The following CDH23 variants were observed in gnomAD, a reference collection of about 807,000 sequenced individuals.
CDH23 encodes the protein cadherin related 23.
A neutral mutation model predicts 317.1 loss-of-function variants in CDH23; 189 were observed. The observed-to-expected ratio is 0.60, with a 90% CI of 0.53 to 0.67. The LOEUF is 0.67. Ranked by LOEUF, CDH23 falls within the 30% of genes least tolerant of loss-of-function variation. The pLI is 0.00. For synonymous variants in CDH23, 1,839 were observed against 1,876.8 expected, an observed-to-expected ratio of 0.98 and a Z score of 0.52; for missense variants, 4,401 against 4,592.4, an observed-to-expected ratio of 0.96 and a Z score of 1.20.
chr10:71,783,020 C>T (rs1328899429), intron 41 of CDH23, among the ~76,000 whole-genome samples: 1 of 152,210 alleles, frequency 6.6e-6, no homozygotes, highest in Non-Finnish European at 1.5e-5. Context: ...GGCCCCTGTC[C>T]TTGCCATGCC....
At chr10:71,636,757 G>A (rs917942917) in intron 11 of CDH23, among the ~76,000 whole-genome samples, 3 of 152,202 alleles carry the variant, frequency 2.0e-5, no homozygotes, top group South Asian at 4.1e-4. Context: ...TGAGGGTGAC[G>A]TCCTTCACCT....
chr10:71,661,156 G>A (rs1863630986), intron 14 of CDH23, among the ~76,000 whole-genome samples: 1 of 152,168 alleles, frequency 6.6e-6, no homozygotes, highest in African/African-American at 2.4e-5. Context: ...CCCCCTCATG[G>A]AGACTGAACT....
At chr10:71,627,779 C>T (rs1473962528) in intron 11 of CDH23, among the ~76,000 whole-genome samples, 1 of 152,234 alleles carries the variant, frequency 6.6e-6, no homozygotes, top group African/African-American at 2.4e-5. Flanking sequence ...CACTCCTGAG[C>T]AGGGCTGGCA....
In CDH23 at chr10:71,727,073, A is replaced by G. The variant is rs905337448; in HGVS notation, c.3579+1553A>G. ...TCCCCTGAACCCTGAGGAATAATAA[A>G]CCCTCACACGTGCCCGATATTTTTC... is the stretch of plus-strand genomic sequence containing the variant. On this transcript the variant is annotated intron_variant, in intron 30 of 69. Transcript: ENST00000224721. Among the ~76,000 whole-genome samples, 3 of 151,928 alleles carry G rather than the reference A, an allele frequency of 2.0e-5. No homozygotes were observed. In the South Asian group the frequency reaches 6.2e-4, roughly 32 times the overall value.
chr10:71,456,726 A>C (rs962283795), intron 3 of CDH23, among the ~76,000 whole-genome samples: 4 of 152,128 alleles, frequency 2.6e-5, no homozygotes, highest in African/African-American at 9.7e-5. Flanking sequence ...TTACATACTT[A>C]ATCTCTCTAG....
intron 1 of CDH23, among the ~76,000 whole-genome samples, chr10:71,417,027 C>CTTTTTTTTT (rs59400313): frequency 6.8e-6 from 1 of 146,092 alleles, no homozygotes; most frequent in Non-Finnish European, 1.5e-5. Context: ...CTTTGGTTTT[C>CTTTTTTTTT]TTTTTTTTTC....
chr10:71,677,550 G>A lies in CDH23; in HGVS notation c.1609G>A (p.Asp537Asn). 1 of 1,611,936 alleles carries A rather than the reference G, an allele frequency of 6.2e-7. No homozygotes were observed. Among genetic ancestry groups the A allele is most frequent in the Non-Finnish European group, 8.5e-7 (1 of 1,179,290 alleles). The change falls in exon 16 of 70, where the codon GAC (aspartate) becomes AAC (asparagine). Residue 537 changes from aspartate to asparagine, a missense_variant. Asp to Asn is a conservative substitution (Grantham distance 23, BLOSUM62 1). This residue lies in a region of CDH23 where 3,068 missense variants were observed against 3,203.3 expected (regional missense o/e 0.96). Transcript: ENST00000224721. ...CTTCACCCTGACGATCATTGCCCGGGACGGGGGCGGCGAGGAGACCACAGG... is the reference window on the plus strand; with the variant it reads ...CTTCACCCTGACGATCATTGCCCGGAACGGGGGCGGCGAGGAGACCACAGG... ...QRFTLTIIARDGGGEETTGRV... is the reference protein window; with the variant it reads ...QRFTLTIIARNGGGEETTGRV...
intron 48 of CDH23, 110 bp downstream of exon 48, chr10:71,793,750 C>T: frequency 1.3e-6 from 1 of 799,714 alleles, no homozygotes; most frequent in Non-Finnish European, 1.9e-6. Context: ...TCCCTTGCTA[C>T]TCTCTTCTCT....
At chr10:71,465,698 C>T (rs1359156857) in intron 3 of CDH23, among the ~76,000 whole-genome samples, 1 of 152,198 alleles carries the variant, frequency 6.6e-6, no homozygotes, top group African/African-American at 2.4e-5. Flanking sequence ...ACTATGAATT[C>T]TTTGCTTCCC....
rs566947576 is a variant in CDH23, at chr10:71,702,431, C to A, written c.2588-118C>A. ...AGGCCTAGGCTGCTTCCTGGAGGGG[C>A]CTTTGGGATGGAGGGCTCTGAATCT... On this transcript the variant is annotated intron_variant, in intron 23 of 69. Coordinates refer to ENST00000224721, the MANE Select transcript of CDH23 (RefSeq NM_022124.6). 426 of 1,341,286 alleles carry A rather than the reference C, an allele frequency of 3.2e-4. 4 individuals are homozygous for A. Among genetic ancestry groups the A allele is most frequent in the Middle Eastern group, 1.8e-3 (9 of 4,938 alleles). 83.1% of individuals were successfully genotyped at this position (1,341,286 alleles called of 1,614,324 possible). A position where few individuals can be genotyped will look rare whatever the true frequency, so the allele number is the denominator to read the frequency against.
At chr10:71,638,961 G>A (rs1862402557) in intron 11 of CDH23, among the ~76,000 whole-genome samples, 1 of 152,180 alleles carries the variant, frequency 6.6e-6, no homozygotes, top group South Asian at 2.1e-4. Context: ...CCCTCGTGGG[G>A]GTGGGAAAGC....
In CDH23 at chr10:71,759,818, TATAC is replaced by T. The variant is rs1840251526; in HGVS notation, c.4846-17860_4846-17857del. Reference sequence around the variant, plus strand: ...CAGAGTGAAACCGTGTTTCAGAAAATATACACACACACACACACACACACACACA... The same window carrying T: ...CAGAGTGAAACCGTGTTTCAGAAAATACACACACACACACACACACACACA... On this transcript the variant is annotated intron_variant, in intron 38 of 69. Transcript: ENST00000224721. Among the ~76,000 whole-genome samples, 3 of 50,822 alleles carry T rather than the reference TATAC, an allele frequency of 5.9e-5. No individual in the cohort carries two copies. The South Asian group carries it at 1.6e-3, about 27-fold the overall frequency. The allele number at this position is 50,822 out of a possible 152,430, so 33.3% of individuals were successfully genotyped here.
intron 32 of CDH23, 28 bp downstream of exon 32, chr10:71,732,403 T>A: frequency 6.4e-7 from 1 of 1,552,264 alleles, no homozygotes; most frequent in Non-Finnish European, 8.7e-7. Context: ...GGGAGCACCA[T>A]TTCTTCCAAT....
At position 71,779,460 on chromosome 10, in the gene CDH23, T is replaced by G; in HGVS notation, c.5368+13T>G. 3.1e-6 allele frequency: 5 copies of G among 1,588,612 alleles called. No homozygotes were observed. The highest frequency in any genetic ancestry group is 4.3e-6 in the Non-Finnish European group (5 of 1,161,704). ...GGAGACCCTCTGGGTGAGTGGGGCT[T>G]GGGGCATGCCACCCACAGGGTCTCA... On this transcript the variant is annotated intron_variant, in intron 41 of 69. Transcript: ENST00000224721.
chr10:71,570,408 G>A (rs556598460), intron 7 of CDH23, among the ~76,000 whole-genome samples: 13 of 152,264 alleles, frequency 8.5e-5, no homozygotes, highest in African/African-American at 3.1e-4. Context: ...AGGAGCTGAG[G>A]GCAGCACCAT....
At chr10:71,796,941 G>C (rs1421573772) in intron 48 of CDH23, 163 bp from the exon 49 acceptor site, 1 of 579,550 alleles carries the variant, frequency 1.7e-6, no homozygotes, top group African/African-American at 1.9e-5. Flanking sequence ...CGTGACCCAA[G>C]CTTATGAGGA....
chr10:71,753,552 C>G (rs891979836), intron 38 of CDH23, among the ~76,000 whole-genome samples: 3 of 152,202 alleles, frequency 2.0e-5, no homozygotes, highest in Non-Finnish European at 4.4e-5. Flanking sequence ...GGAAACCTTA[C>G]AAGGTGCAAG....
In CDH23 at chr10:71,751,700, G is replaced by A. The variant is rs1316889457; in HGVS notation, c.4845+9779G>A. On this transcript the variant is annotated intron_variant, in intron 38 of 69. Coordinates refer to ENST00000224721, the MANE Select transcript of CDH23 (RefSeq NM_022124.6). The surrounding 1 kb of genome is among the most constrained non-coding windows in gnomAD (Gnocchi z 4.9). ...TGGGAAGAAGACGTCTCCGGGGCCT[G>A]GAGGAGACAGGGGGGTGCTGGGCTC... 1 of 1,554,542 alleles carries A rather than the reference G, an allele frequency of 6.4e-7. No homozygotes were observed. The highest frequency in any genetic ancestry group is 2.3e-5 in the East Asian group (1 of 44,316).
At position 71,702,145 on chromosome 10, in the gene CDH23, G is replaced by A; in HGVS notation, c.2521G>A (p.Asp841Asn). The change falls in exon 23 of 70, where the codon GAC becomes AAC. Residue 841 changes from aspartate (D) to asparagine (N), a missense_variant. Physicochemically the swap from Asp to Asn is conservative, Grantham distance 23. Around this residue, in one of 3 missense-constraint regions of CDH23, gnomAD observed 3,068 missense variants for 3,203.3 expected, o/e 0.96. Transcript: ENST00000224721. ...GKIRTTHAMLDRENPDPHEAE... is the reference protein window; with the variant it reads ...GKIRTTHAMLNRENPDPHEAE... ...GATCCGCACCACCCACGCCATGCTG[G>A]ACCGGGAGAACCCCGACCCCCATGA... 6.2e-7 allele frequency: 1 copy of A among 1,613,928 alleles called. No individual in the cohort carries two copies. Among genetic ancestry groups the A allele is most frequent in the South Asian group, 1.1e-5 (1 of 91,078 alleles).
Sources: allele counts gnomAD v4.1 joint callset (sites outside exome capture counted in the v4.1 genomes callset), GRCh38; gene constraint gnomAD v4.1.1; regional missense constraint gnomAD v4.1.1; non-coding constraint Gnocchi (gnomAD v3.1); transcripts MANE v1.5; gene names NCBI Gene and HGNC (gene_info 2026-07-23, HGNC 2026-07-21).